Variants in B3GALT1 observed in about 807,000 individuals in gnomAD.
B3GALT1 encodes UDP-Gal:betaGlcNAc beta 1,3-galactosyltransferase, polypeptide 1.
In B3GALT1, 10 loss-of-function variants were observed where a neutral mutation model predicts 23.2. The ratio of observed to expected loss-of-function variants is 0.43; its 90% CI spans 0.27 to 0.73. The LOEUF is 0.73. Among genes scored for constraint, B3GALT1 ranks in the 30% least tolerant of loss-of-function variants. B3GALT1 has a pLI of 0.21. For synonymous variants in B3GALT1, 156 were observed against 141.5 expected, an observed-to-expected ratio of 1.10 and a Z score of -0.73; for missense variants, 299 against 405.4, an observed-to-expected ratio of 0.74 and a Z score of 2.25.
At chr2:167,489,433 C>T (rs1031909261) in intron 1 of B3GALT1, among the ~76,000 whole-genome samples, 1 of 152,094 alleles carries the variant, frequency 6.6e-6, no homozygotes, top group Non-Finnish European at 1.5e-5. Context: ...AAGAAACAGT[C>T]AGTTTGCAGG....
At chr2:167,453,242 T>A (rs1389031469) in intron 1 of B3GALT1, among the ~76,000 whole-genome samples, 2 of 152,200 alleles carry the variant, frequency 1.3e-5, no homozygotes, top group Non-Finnish European at 2.9e-5. Flanking sequence ...AGCGTGCAGG[T>A]ATGCCCTCCG....
At chr2:167,857,510 G>A (rs1033718811) in intron 4 of B3GALT1, among the ~76,000 whole-genome samples, 1 of 152,000 alleles carries the variant, frequency 6.6e-6, no homozygotes, top group Non-Finnish European at 1.5e-5. Context: ...AGAATGCCTA[G>A]AAATAGAAAT....
intron 1 of B3GALT1, among the ~76,000 whole-genome samples, chr2:167,374,274 C>A (rs1218268741): frequency 6.6e-6 from 1 of 152,112 alleles, no homozygotes; most frequent in Admixed American, 6.6e-5. Flanking sequence ...CTGATGGACA[C>A]CTACGTTGAT....
chr2:167,795,194 A>G (rs1301492956), intron 3 of B3GALT1, among the ~76,000 whole-genome samples: 4 of 152,192 alleles, frequency 2.6e-5, no homozygotes, highest in Non-Finnish European at 5.9e-5. Context: ...ACTATCATTT[A>G]TACTTTCCCA....
intron 1 of B3GALT1, among the ~76,000 whole-genome samples, chr2:167,315,181 G>GT (rs1260276265): frequency 6.6e-6 from 1 of 151,956 alleles, no homozygotes; most frequent in Admixed American, 6.6e-5. Context: ...ATAATAAACT[G>GT]TTTTTTTGCT....
intron 3 of B3GALT1, among the ~76,000 whole-genome samples, chr2:167,753,463 C>G (rs564886949): frequency 1.3e-5 from 2 of 152,124 alleles, no homozygotes; most frequent in African/African-American, 2.4e-5. Flanking sequence ...GGTGATCCTC[C>G]CACTTTCCAT....
At chr2:167,778,956 G>T (rs532953151) in intron 3 of B3GALT1, among the ~76,000 whole-genome samples, 10 of 152,318 alleles carry the variant, frequency 6.6e-5, no homozygotes, top group African/African-American at 2.4e-4. Flanking sequence ...TCACCTCCCA[G>T]TGAGGTTGTA....
intron 1 of B3GALT1, among the ~76,000 whole-genome samples, chr2:167,474,746 A>G (rs530446499): frequency 3.2e-4 from 49 of 152,174 alleles, no homozygotes; most frequent in Non-Finnish European, 6.5e-4. Flanking sequence ...GCCACATTCT[A>G]GTTTCTTATT....
At position 167,833,548 on chromosome 2, in the gene B3GALT1, A is replaced by T. The variant is rs894085057; in HGVS notation, c.-230+14755A>T. ...AAGGTAGCTATTTCCTGATTTGCTC[A>T]TTGAAAAATGACACTGGGCAATAAC... is the stretch of plus-strand genomic sequence containing the variant. On this transcript the variant is annotated intron_variant, in intron 4 of 4. Coordinates refer to ENST00000392690, the MANE Select transcript of B3GALT1 (RefSeq NM_020981.4). Among the ~76,000 whole-genome samples, 28 of 152,340 alleles carry T rather than the reference A, an allele frequency of 1.8e-4. 2 individuals are homozygous for T. The East Asian group carries it at 5.4e-3, about 29-fold the overall frequency.
At chr2:167,839,779 T>C (rs867868561) in intron 4 of B3GALT1, among the ~76,000 whole-genome samples, 63 of 152,174 alleles carry the variant, frequency 4.1e-4, no homozygotes, top group African/African-American at 1.4e-3. Context: ...CTTCAAACTA[T>C]ACTACAAGGC....
intron 2 of B3GALT1, among the ~76,000 whole-genome samples, chr2:167,516,185 T>C (rs953546595): frequency 3.3e-5 from 5 of 152,130 alleles, no homozygotes; most frequent in Admixed American, 2.0e-4. Flanking sequence ...CAACATAATT[T>C]TTTTTCTGCT....
At chr2:167,321,706 G>A (rs867135965) in intron 1 of B3GALT1, among the ~76,000 whole-genome samples, 1 of 151,642 alleles carries the variant, frequency 6.6e-6, no homozygotes, top group Non-Finnish European at 1.5e-5. Flanking sequence ...GCTTCCCCAC[G>A]TGCATTTAAA....
chr2:167,751,336 G>A (rs181196193), intron 3 of B3GALT1, among the ~76,000 whole-genome samples: 1 of 152,270 alleles, frequency 6.6e-6, no homozygotes, highest in Non-Finnish European at 1.5e-5. Flanking sequence ...AAGACCCTAG[G>A]CAACAAGTAC....
intron 1 of B3GALT1, among the ~76,000 whole-genome samples, chr2:167,432,459 G>A (rs1176657719): frequency 6.6e-6 from 1 of 152,208 alleles, no homozygotes; most frequent in African/African-American, 2.4e-5. Context: ...AGCATGCAGA[G>A]ACAAAGTTGG....
chr2:167,569,896 A>G (rs1684258804), intron 2 of B3GALT1, among the ~76,000 whole-genome samples: 1 of 151,834 alleles, frequency 6.6e-6, no homozygotes. Context: ...TCAAATGATT[A>G]TATTGATGTG....
intron 3 of B3GALT1, among the ~76,000 whole-genome samples, chr2:167,686,147 G>A (rs917589461): frequency 6.6e-6 from 1 of 152,114 alleles, no homozygotes; most frequent in Non-Finnish European, 1.5e-5. Context: ...AGATTAGATA[G>A]TACACTAGGA....
intron 2 of B3GALT1, among the ~76,000 whole-genome samples, chr2:167,503,153 T>C (rs758101544): frequency 6.6e-6 from 1 of 152,200 alleles, no homozygotes; most frequent in Non-Finnish European, 1.5e-5. Flanking sequence ...CATGATACTT[T>C]TAAAGTTAAG....
At chr2:167,806,589 GT>G (rs1287900323) in intron 3 of B3GALT1, among the ~76,000 whole-genome samples, 2 of 152,064 alleles carry the variant, frequency 1.3e-5, no homozygotes, top group Admixed American at 6.5e-5. Context: ...AGTTTTTGTC[GT>G]TGGTTCTGTT....
intron 2 of B3GALT1, among the ~76,000 whole-genome samples, chr2:167,577,803 A>G (rs2105404839): frequency 1.3e-5 from 2 of 151,544 alleles, no homozygotes; most frequent in Middle Eastern, 6.8e-3. Flanking sequence ...ATATTACTTC[A>G]TTCAAGAACA....
Sources: allele counts gnomAD v4.1 joint callset (sites outside exome capture counted in the v4.1 genomes callset), GRCh38; gene constraint gnomAD v4.1.1; transcripts MANE v1.5; gene names NCBI Gene and HGNC (gene_info 2026-07-23, HGNC 2026-07-21).